Variants in KDM4D observed in about 807,000 individuals in gnomAD.
The protein encoded by KDM4D is lysine-specific demethylase 4D.
For missense variants in KDM4D, 427 were observed against 674.8 expected, an observed-to-expected ratio of 0.63 and a Z score of 4.07; for synonymous variants, 254 against 249.1, an observed-to-expected ratio of 1.02 and a Z score of -0.19.
At chr11:94,988,009 T>C (rs781937901) in intron 2 of KDM4D, among the ~76,000 whole-genome samples, 1 of 152,050 alleles carries the variant, frequency 6.6e-6, no homozygotes, top group Non-Finnish European at 1.5e-5. Flanking sequence ...TAGAAAGGAA[T>C]GCCAAAGGAA....
intron 2 of KDM4D, among the ~76,000 whole-genome samples, chr11:94,995,223 T>C (rs1857966214): frequency 6.6e-6 from 1 of 152,188 alleles, no homozygotes; most frequent in African/African-American, 2.4e-5. Flanking sequence ...ACACAAGCTA[T>C]TGAGTTAGTT....
At chr11:94,987,935 G>A (rs1857902039) in intron 2 of KDM4D, among the ~76,000 whole-genome samples, 1 of 11,076 alleles carries the variant, frequency 9.0e-5, no homozygotes, top group Non-Finnish European at 4.3e-3. Context: ...TCAATCAAGA[G>A]GTTGCTGTCT....
intron 2 of KDM4D, among the ~76,000 whole-genome samples, chr11:94,991,512 C>G (rs1159668428): frequency 1.3e-5 from 2 of 151,566 alleles, no homozygotes; most frequent in Non-Finnish European, 2.9e-5. Context: ...AAGAATAAGA[C>G]AATAAGAAAG....
At chr11:94,980,026 T>C (rs1486210323) in intron 2 of KDM4D, among the ~76,000 whole-genome samples, 1 of 152,256 alleles carries the variant, frequency 6.6e-6, no homozygotes, top group Admixed American at 6.5e-5. Context: ...TAAATCTTTC[T>C]ATTGAATCAT....
intron 1 of KDM4D, among the ~76,000 whole-genome samples, chr11:94,974,726 T>C (rs1315144821): frequency 2.0e-5 from 3 of 152,218 alleles, no homozygotes; most frequent in Non-Finnish European, 2.9e-5. Flanking sequence ...ACTCTTCACA[T>C]ACGGTTCATT....
intron 2 of KDM4D, among the ~76,000 whole-genome samples, chr11:94,981,511 A>C (rs1340360451): frequency 6.6e-6 from 1 of 151,992 alleles, no homozygotes; most frequent in African/African-American, 2.4e-5. Context: ...CTACTGCGTC[A>C]GTGTCCTTGA....
chr11:94,978,056 T>G (rs1857812270), intron 2 of KDM4D, among the ~76,000 whole-genome samples: 1 of 152,202 alleles, frequency 6.6e-6, no homozygotes, highest in Non-Finnish European at 1.5e-5. Context: ...CCCAGAAATA[T>G]GACTTTCTTT....
In KDM4D at chr11:94,997,144, G is replaced by A. The variant is rs1857981453; in HGVS notation, c.-229G>A. On this transcript the variant is annotated 5_prime_UTR_variant, in exon 3 of 3. Coordinates refer to ENST00000335080, the MANE Select transcript of KDM4D (RefSeq NM_018039.3). Reference sequence around the variant, plus strand: ...GCAACCGAAACATAACAGAGTTGCAGGATCAGCTAACGTCAATGCCTGGGC... The same window carrying A: ...GCAACCGAAACATAACAGAGTTGCAAGATCAGCTAACGTCAATGCCTGGGC... 2.5e-6 allele frequency: 1 copy of A among 393,426 alleles called. No individual in the cohort carries two copies. The highest frequency in any genetic ancestry group is 2.1e-5 in the African/African-American group (1 of 48,102). 24.4% of individuals were successfully genotyped at this position (393,426 alleles called of 1,614,324 possible).
At chr11:94,976,981 T>A (rs114208136) in intron 2 of KDM4D, among the ~76,000 whole-genome samples, 6,089 of 152,232 alleles carry the variant, frequency 0.04, 168 homozygotes, top group Admixed American at 0.099. Context: ...AACAAGTCAA[T>A]AAATTCTAGA....
chr11:94,988,138 A>G (rs1857903979), intron 2 of KDM4D, among the ~76,000 whole-genome samples: 1 of 152,222 alleles, frequency 6.6e-6, no homozygotes, highest in South Asian at 2.1e-4. Flanking sequence ...GAAAACAAGG[A>G]ACAGAAGAAT....
At chr11:94,993,816 T>G (rs1323891033) in intron 2 of KDM4D, among the ~76,000 whole-genome samples, 2 of 152,132 alleles carry the variant, frequency 1.3e-5, no homozygotes, top group Non-Finnish European at 2.9e-5. Flanking sequence ...TAATTATCCT[T>G]CTAAATTGTC....
At chr11:94,976,002 CAAAATT>C in intron 2 of KDM4D, among the ~76,000 whole-genome samples, 1 of 152,230 alleles carries the variant, frequency 6.6e-6, no homozygotes, top group South Asian at 2.1e-4. Flanking sequence ...AGTCAATCCA[CAAAATT>C]AAAAGCTTTT....
intron 2 of KDM4D, among the ~76,000 whole-genome samples, chr11:94,987,936 G>A (rs1322661458): frequency 9.2e-5 from 1 of 10,832 alleles, no homozygotes; most frequent in Non-Finnish European, 9.1e-3. Flanking sequence ...CAATCAAGAG[G>A]TTGCTGTCTT....
intron 2 of KDM4D, among the ~76,000 whole-genome samples, chr11:94,984,095 G>C (rs587655445): frequency 6.6e-6 from 1 of 152,216 alleles, no homozygotes; most frequent in East Asian, 1.9e-4. Flanking sequence ...ACCATATATA[G>C]TGTATGTATG....
chr11:94,987,434 A>G (rs1033062519), intron 2 of KDM4D, among the ~76,000 whole-genome samples: 4 of 152,180 alleles, frequency 2.6e-5, no homozygotes, highest in Non-Finnish European at 5.9e-5. Context: ...GGACACCACA[A>G]ATTTGGGCCC....
At chr11:94,986,661 A>G (rs1448691059) in intron 2 of KDM4D, among the ~76,000 whole-genome samples, 1 of 152,200 alleles carries the variant, frequency 6.6e-6, no homozygotes, top group Non-Finnish European at 1.5e-5. Context: ...CTGTAATGAA[A>G]AAGACAATAA....
At chr11:94,979,768 C>G (rs1028678289) in intron 2 of KDM4D, among the ~76,000 whole-genome samples, 18 of 152,040 alleles carry the variant, frequency 1.2e-4, no homozygotes, top group African/African-American at 4.3e-4. Context: ...GCAAATAATG[C>G]CACAATGAAC....
Position 94,973,892 on chromosome 11 carries a change from G to C in KDM4D, c.-621G>C, listed in dbSNP as rs1276342627. 2 of 152,304 alleles carry C rather than the reference G, an allele frequency of 1.3e-5. No individual in the cohort carries two copies. The highest frequency in any genetic ancestry group is 4.8e-5 in the African/African-American group (2 of 41,478). The allele number at this position is 152,304 out of a possible 1,614,324, so 9.4% of individuals were successfully genotyped here. On this transcript the variant is annotated 5_prime_UTR_variant, in exon 1 of 3. Transcript: ENST00000335080. The stretch of plus-strand genomic sequence containing the variant: ...CACCACGTCCCCGGCTAGCGGGAGA[G>C]AGCGTGGAAAAGGATTACACCAAAC...
chr11:94,990,566 A>C (rs1555098585), intron 2 of KDM4D, among the ~76,000 whole-genome samples: 1 of 152,254 alleles, frequency 6.6e-6, no homozygotes, highest in Non-Finnish European at 1.5e-5. Flanking sequence ...CCCTTTCCAA[A>C]CCTCACTAAA....
Sources: gnomAD v4.1 joint callset for allele counts (sites outside exome capture counted in the v4.1 genomes callset) on GRCh38, gnomAD v4.1.1 for gene constraint, MANE v1.5 for transcripts, NCBI Gene and HGNC (gene_info 2026-07-23, HGNC 2026-07-21) for gene names.